The following CAMKMT variants were observed in gnomAD, a reference collection of about 807,000 sequenced individuals.
The protein encoded by CAMKMT is CaM KMT.
A neutral mutation model predicts 48.0 loss-of-function variants in CAMKMT; 53 were observed. The observed-to-expected ratio is 1.10, with a 90% confidence interval of 0.89 to 1.39. The LOEUF (loss-of-function observed/expected upper bound fraction) is 1.39, where lower values mean the gene tolerates loss of function less well. Ranked by LOEUF, CAMKMT falls within the 40% of genes most tolerant of loss-of-function variation. The probability of loss-of-function intolerance (pLI) is 0.00; values close to 1 mark genes in which losing one functional copy is unlikely to be tolerated. For synonymous variants in CAMKMT, 165 were observed against 152.3 expected, an observed-to-expected ratio of 1.08 and a Z score of -0.61; for missense variants, 428 against 402.7, an observed-to-expected ratio of 1.06 and a Z score of -0.54.
intron 10 of CAMKMT, among the ~76,000 whole-genome samples, chr2:44,768,703 C>T (rs1366028048): frequency 6.6e-6 from 1 of 152,200 alleles, no homozygotes; most frequent in Non-Finnish European, 1.5e-5. Flanking sequence ...CGCCGGGAGC[C>T]TCCACCCTGG....
intron 3 of CAMKMT, among the ~76,000 whole-genome samples, chr2:44,703,564 G>A (rs957465489): frequency 1.3e-5 from 2 of 152,064 alleles, no homozygotes; most frequent in African/African-American, 4.8e-5. Flanking sequence ...CAGATCACGA[G>A]GTCAGGAGTT....
At chr2:44,564,801 A>G (rs1558706461) in intron 3 of CAMKMT, among the ~76,000 whole-genome samples, 1 of 152,184 alleles carries the variant, frequency 6.6e-6, no homozygotes, top group Admixed American at 6.5e-5. Context: ...TGGCCCCCCA[A>G]AGAACTGGGA....
intron 3 of CAMKMT, among the ~76,000 whole-genome samples, chr2:44,644,932 G>GA (rs1357505478): frequency 2.0e-5 from 3 of 152,184 alleles, no homozygotes; most frequent in African/African-American, 7.2e-5. Context: ...CTGAGTTGGA[G>GA]AAGCAAGAGT....
At position 44,653,839 on chromosome 2, in the gene CAMKMT, T is replaced by C. The variant is rs886627244; in HGVS notation, c.377-50444T>C. On this transcript the variant is annotated intron_variant, in intron 3 of 10. Transcript: ENST00000378494. This position sits in a 1 kb window ranked among gnomAD's most constrained non-coding sequence, Gnocchi z 5.2. Reference sequence around the variant, plus strand: ...GAGTGCCTAGAACAAAACTGACACATAGTAGACATCAATTAATATTTGTTG... The same window carrying C: ...GAGTGCCTAGAACAAAACTGACACACAGTAGACATCAATTAATATTTGTTG... 1.3e-5 allele frequency among the ~76,000 whole-genome samples: 2 copies of C among 152,190 alleles called. No individual in the cohort carries two copies. The highest frequency in any genetic ancestry group is 2.4e-5 in the African/African-American group (1 of 41,446).
chr2:44,647,721 C>T (rs1019861517), intron 3 of CAMKMT, among the ~76,000 whole-genome samples: 1 of 151,514 alleles, frequency 6.6e-6, no homozygotes, highest in Non-Finnish European at 1.5e-5. Context: ...CTGGCTAACA[C>T]GGTGAAACCC....
At chr2:44,466,832 C>T (rs537462359) in intron 3 of CAMKMT, among the ~76,000 whole-genome samples, 31 of 152,122 alleles carry the variant, frequency 2.0e-4, no homozygotes, top group South Asian at 4.1e-4. Context: ...GACAAAACAA[C>T]GGATGCCACA....
At chr2:44,447,750 G>A (rs960986574) in intron 3 of CAMKMT, among the ~76,000 whole-genome samples, 1 of 152,192 alleles carries the variant, frequency 6.6e-6, no homozygotes, top group African/African-American at 2.4e-5. Context: ...GGGCATAAAA[G>A]TATAATCCTT....
intron 3 of CAMKMT, among the ~76,000 whole-genome samples, chr2:44,641,222 T>C (rs1224364478): frequency 1.3e-5 from 2 of 152,214 alleles, no homozygotes; most frequent in Non-Finnish European, 2.9e-5. Flanking sequence ...CAGTGGTTGT[T>C]TCTCTATCAT....
intron 3 of CAMKMT, among the ~76,000 whole-genome samples, chr2:44,515,389 G>T (rs189792456): frequency 1.1e-4 from 17 of 152,246 alleles, no homozygotes; most frequent in African/African-American, 3.9e-4. Context: ...TCTGGCAAAG[G>T]TAGCTCTTCA....
At chr2:44,731,040 G>C (rs763800796) in intron 7 of CAMKMT, among the ~76,000 whole-genome samples, 1 of 152,284 alleles carries the variant, frequency 6.6e-6, no homozygotes, top group East Asian at 1.9e-4. Context: ...TTTAACAGCA[G>C]AGTTTAAAAC....
chr2:44,412,967 TA>T (rs1312103525), intron 3 of CAMKMT, among the ~76,000 whole-genome samples: 6 of 151,446 alleles, frequency 4.0e-5, no homozygotes, highest in African/African-American at 1.5e-4. Flanking sequence ...ACCCAGCTAT[TA>T]GGGGGGCGGA....
chr2:44,527,160 A>G (rs1666163112), intron 3 of CAMKMT, among the ~76,000 whole-genome samples: 1 of 144,040 alleles, frequency 6.9e-6, no homozygotes, highest in African/African-American at 2.6e-5. Context: ...TGGTATGATC[A>G]CAGCTGACTG....
At chr2:44,672,506 AC>A (rs1675391198) in intron 3 of CAMKMT, among the ~76,000 whole-genome samples, 1 of 152,056 alleles carries the variant, frequency 6.6e-6, no homozygotes, top group Non-Finnish European at 1.5e-5. Context: ...AACTATTTGT[AC>A]CATTAGGCCA....
At chr2:44,477,641 T>C (rs987152683) in intron 3 of CAMKMT, among the ~76,000 whole-genome samples, 1 of 152,230 alleles carries the variant, frequency 6.6e-6, no homozygotes, top group Non-Finnish European at 1.5e-5. Context: ...ATTTAGCTTT[T>C]TCTATTCCTC....
intron 3 of CAMKMT, among the ~76,000 whole-genome samples, chr2:44,535,721 T>C (rs902309888): frequency 1.3e-5 from 2 of 152,126 alleles, no homozygotes. Context: ...GCAAACTTGC[T>C]CTAGAAGCAA....
At chr2:44,588,875 G>C (rs1324958891) in intron 3 of CAMKMT, among the ~76,000 whole-genome samples, 1 of 18,760 alleles carries the variant, frequency 5.3e-5, no homozygotes, top group Non-Finnish European at 1.1e-4. Flanking sequence ...AGGGAGGTGG[G>C]GGGTCAGCCC....
intron 10 of CAMKMT, among the ~76,000 whole-genome samples, chr2:44,770,469 A>C (rs753351804): frequency 3.3e-5 from 5 of 152,258 alleles, no homozygotes; most frequent in Non-Finnish European, 7.3e-5. Context: ...GGACTTTATA[A>C]AGAGCTCATT....
chr2:44,607,578 C>G (rs1179055824), intron 3 of CAMKMT, among the ~76,000 whole-genome samples: 7 of 152,034 alleles, frequency 4.6e-5, no homozygotes, highest in Admixed American at 4.6e-4. Flanking sequence ...CTAGGAAATA[C>G]TATGAATTAT....
At chr2:44,768,750 A>T (rs1450142484) in intron 10 of CAMKMT, among the ~76,000 whole-genome samples, 1 of 152,182 alleles carries the variant, frequency 6.6e-6, no homozygotes, top group East Asian at 1.9e-4. Flanking sequence ...GCCAGGGCTT[A>T]AAAGTTTTCC....
Sources: gnomAD v4.1 joint callset for allele counts (sites outside exome capture counted in the v4.1 genomes callset) on GRCh38, gnomAD v4.1.1 for gene constraint, Gnocchi (gnomAD v3.1) non-coding constraint, MANE v1.5 for transcripts, NCBI Gene and HGNC (gene_info 2026-07-23, HGNC 2026-07-21) for gene names.